Variants in ATXN10 observed in about 807,000 individuals in gnomAD.
ATXN10 encodes the protein ataxin 10, also known as ataxin-10.
A neutral mutation model predicts 52.9 loss-of-function variants in ATXN10; 28 were observed. The ratio of observed to expected loss-of-function variants is 0.53; its 90% CI spans 0.39 to 0.73. ATXN10 has a LOEUF of 0.73. Ranked by LOEUF, ATXN10 falls within the 30% of genes least tolerant of loss-of-function variation. ATXN10 has a pLI of 0.00. For missense variants in ATXN10, 565 were observed against 577.0 expected, an observed-to-expected ratio of 0.98 and a Z score of 0.21; for synonymous variants, 226 against 221.5, an observed-to-expected ratio of 1.02 and a Z score of -0.18.
rs1212473158 is a variant in ATXN10, at chr22:45,843,771, C to G, written c.*100C>G. On this transcript the variant is annotated 3_prime_UTR_variant, in exon 12 of 12. Transcript: ENST00000252934. This position sits in a 1 kb window ranked among gnomAD's most constrained non-coding sequence, Gnocchi z 4.5. ...GCAAGTGTTTGAAGATTTATAAGTA[C>G]AAATTTGGGAACATACAAATCTTTT... is the stretch of plus-strand genomic sequence containing the variant. The G allele has an allele frequency of 8.3e-7, 1 of 1,204,652 alleles. No individual in the cohort carries two copies. The highest frequency in any genetic ancestry group is 1.2e-6 in the Non-Finnish European group (1 of 825,794). 74.6% of individuals were successfully genotyped at this position (1,204,652 alleles called of 1,614,324 possible). A position where few individuals can be genotyped will look rare whatever the true frequency, so the allele number is the denominator to read the frequency against.
At chr22:45,773,876 A>G (rs1926861901) in intron 9 of ATXN10, among the ~76,000 whole-genome samples, 1 of 152,226 alleles carries the variant, frequency 6.6e-6, no homozygotes, top group Admixed American at 6.5e-5. Context: ...TAAAAGACTC[A>G]ACCATTGGAA....
rs1222806211 is a variant in ATXN10 at position 45,840,674 on chromosome 22, C to T, written c.1238-2317C>T. Among the ~76,000 whole-genome samples, 3 of 152,162 alleles carry T rather than the reference C, an allele frequency of 2.0e-5. No individual in the cohort carries two copies. The highest frequency in any genetic ancestry group is 2.9e-5 in the Non-Finnish European group (2 of 68,022). On this transcript the variant is annotated intron_variant, in intron 10 of 11. Transcript: ENST00000252934. This position sits in a 1 kb window ranked among gnomAD's most constrained non-coding sequence, Gnocchi z 5.8. The stretch of plus-strand genomic sequence containing the variant: ...GTCCCTTTCCTCCAGAGACATCCTG[C>T]GTTTGCTGCTGGCAGTGACGGTGCT...
At chr22:45,778,208 T>C (rs1023007337) in intron 9 of ATXN10, among the ~76,000 whole-genome samples, 1 of 152,246 alleles carries the variant, frequency 6.6e-6, no homozygotes, top group African/African-American at 2.4e-5. Flanking sequence ...CTGTATGACA[T>C]TGATCATGTT....
At position 45,843,900 on chromosome 22, in the gene ATXN10, A is replaced by G. The variant is rs530448235; in HGVS notation, c.*229A>G. ...GTGTGGTTTGCCTTTGTCCCCCTGG[A>G]TAGAACGTGCATTTAAAGAATATAT... On this transcript the variant is annotated 3_prime_UTR_variant, in exon 12 of 12. Transcript: ENST00000252934. This position sits in a 1 kb window ranked among gnomAD's most constrained non-coding sequence, Gnocchi z 4.5. The G allele has an allele frequency of 5.8e-5, 34 of 586,524 alleles. No homozygotes were observed. The highest frequency in any genetic ancestry group is 4.7e-4 in the African/African-American group (25 of 53,638). The allele number at this position is 586,524 out of a possible 1,614,324, so 36.3% of individuals were successfully genotyped here. A position where few individuals can be genotyped will look rare whatever the true frequency, so the allele number is the denominator to read the frequency against.
intron 1 of ATXN10, chr22:45,679,723 T>C: frequency 6.6e-6 from 1 of 152,236 alleles, no homozygotes; most frequent in African/African-American, 2.4e-5. Context: ...AGTTACACTA[T>C]AAAAAGCATA....
At chr22:45,691,415 G>A (rs1923370511) in intron 2 of ATXN10, among the ~76,000 whole-genome samples, 1 of 152,174 alleles carries the variant, frequency 6.6e-6, no homozygotes, top group Non-Finnish European at 1.5e-5. Context: ...TTAATTCTTA[G>A]AACAAACTCA....
At position 45,733,959 on chromosome 22, in the gene ATXN10, CTT is replaced by C. The variant is rs1280292777; in HGVS notation, c.894+4371_894+4372del. On this transcript the variant is annotated intron_variant, in intron 7 of 11. Coordinates refer to ENST00000252934, the MANE Select transcript of ATXN10 (RefSeq NM_013236.4). The surrounding 1 kb of genome is among the most constrained non-coding windows in gnomAD (Gnocchi z 4.4). ...ATGATGTAACTTGTACATCTTTGCA[CTT>C]TAGCATGTGTATATTCATTGTATGT... 6.6e-6 allele frequency among the ~76,000 whole-genome samples: 1 copy of C among 151,842 alleles called. No homozygotes were observed. The highest frequency in any genetic ancestry group is 2.4e-5 in the African/African-American group (1 of 41,324).
Position 45,711,123 on chromosome 22 carries a change from T to C in ATXN10, c.648-7290T>C, listed in dbSNP as rs533187921. 1.2e-4 allele frequency among the ~76,000 whole-genome samples: 18 copies of C among 152,290 alleles called. No individual in the cohort carries two copies. The South Asian group carries it at 3.3e-3, about 28-fold the overall frequency. Reference sequence around the variant, plus strand: ...AATGGGGACATTATAAAATGTTACATGTCTACCCAAAACCCCAGTCAGTGT... The same window carrying C: ...AATGGGGACATTATAAAATGTTACACGTCTACCCAAAACCCCAGTCAGTGT... On this transcript the variant is annotated intron_variant, in intron 5 of 11. Transcript: ENST00000252934.
chr22:45,773,926 A>G (rs1032917891), intron 9 of ATXN10, among the ~76,000 whole-genome samples: 10 of 152,240 alleles, frequency 6.6e-5, no homozygotes, highest in Non-Finnish European at 1.0e-4. Context: ...GTGTATTTCT[A>G]TGTAATGATT....
Position 45,822,521 on chromosome 22 carries a change from CAA to C in ATXN10, c.1237+15500_1237+15501del, listed in dbSNP as rs1337117091. ...TGTTGTGATTTTATTTGAATTTCTCCAATTTTTTTTTTTTTTTTTTTTTTTTT... is the reference window on the plus strand; with the variant it reads ...TGTTGTGATTTTATTTGAATTTCTCCTTTTTTTTTTTTTTTTTTTTTTTTT... On this transcript the variant is annotated intron_variant, in intron 10 of 11. Transcript: ENST00000252934. Among the ~76,000 whole-genome samples the C allele has an allele frequency of 3.4e-5, 5 of 145,942 alleles. No individual in the cohort carries two copies. In the South Asian group the frequency reaches 1.1e-3, roughly 31 times the overall value.
In ATXN10 at chr22:45,832,762, T is replaced by G. The variant is rs1929034884; in HGVS notation, c.1238-10229T>G. Among the ~76,000 whole-genome samples, 4 of 152,260 alleles carry G rather than the reference T, an allele frequency of 2.6e-5. No individual in the cohort carries two copies. In the South Asian group the frequency reaches 8.3e-4, roughly 31 times the overall value. ...ACGCCAGTCTAAATATCAAGAGGTGTGTTGTTCATAGAAAAGAGGAAAACA... is the reference window on the plus strand; with the variant it reads ...ACGCCAGTCTAAATATCAAGAGGTGGGTTGTTCATAGAAAAGAGGAAAACA... On this transcript the variant is annotated intron_variant, in intron 10 of 11. Transcript: ENST00000252934.
intron 7 of ATXN10, among the ~76,000 whole-genome samples, chr22:45,736,942 A>C (rs997992835): frequency 2.0e-5 from 3 of 152,222 alleles, no homozygotes; most frequent in Non-Finnish European, 4.4e-5. Flanking sequence ...TTTTTTAAAG[A>C]GAAACTTTCC....
intron 7 of ATXN10, 110 bp downstream of exon 7, chr22:45,729,700 TA>T: frequency 8.6e-7 from 1 of 1,165,970 alleles, no homozygotes; most frequent in Non-Finnish European, 1.2e-6. Flanking sequence ...AAATATTATG[TA>T]AGTAATGTAT....
Position 45,825,030 on chromosome 22 carries a change from A to G in ATXN10, c.1238-17961A>G, listed in dbSNP as rs912661558. On this transcript the variant is annotated intron_variant, in intron 10 of 11. Coordinates refer to ENST00000252934, the MANE Select transcript of ATXN10 (RefSeq NM_013236.4). This position sits in a 1 kb window ranked among gnomAD's most constrained non-coding sequence, Gnocchi z 4.5. ...TCAATTTCAGCTCTAGCTCAGTAGC[A>G]GCTATTCCTCCTCCATCCCCAGTCC... Among the ~76,000 whole-genome samples, 6 of 152,362 alleles carry G rather than the reference A, an allele frequency of 3.9e-5. No individual in the cohort carries two copies. Among genetic ancestry groups the G allele is most frequent in the African/African-American group, 1.2e-4 (5 of 41,586 alleles).
chr22:45,811,708 C>G, intron 10 of ATXN10: 2 of 471,008 alleles, frequency 4.2e-6, no homozygotes, highest in Non-Finnish European at 8.8e-6. Context: ...TGCCACCATC[C>G]AGTCCACACT....
chr22:45,768,254 G>A (rs776597912), intron 9 of ATXN10, among the ~76,000 whole-genome samples: 3 of 152,078 alleles, frequency 2.0e-5, no homozygotes, highest in Non-Finnish European at 4.4e-5. Flanking sequence ...GGTGGGGCAG[G>A]AAATGGGGAA....
intron 9 of ATXN10, among the ~76,000 whole-genome samples, chr22:45,756,842 T>C (rs1455275204): frequency 1.3e-5 from 2 of 152,202 alleles, no homozygotes; most frequent in Non-Finnish European, 2.9e-5. Flanking sequence ...ATTTGACATG[T>C]TTTAGTGATA....
intron 3 of ATXN10, among the ~76,000 whole-genome samples, chr22:45,695,482 T>C (rs975331265): frequency 7.0e-6 from 1 of 143,748 alleles, no homozygotes; most frequent in African/African-American, 2.5e-5. Flanking sequence ...GCATATAACA[T>C]GAGGCATATT....
At position 45,818,765 on chromosome 22, in the gene ATXN10, G is replaced by T. The variant is rs1928549531; in HGVS notation, c.1237+11743G>T. On this transcript the variant is annotated intron_variant, in intron 10 of 11. Coordinates refer to ENST00000252934, the MANE Select transcript of ATXN10 (RefSeq NM_013236.4). This position sits in a 1 kb window ranked among gnomAD's most constrained non-coding sequence, Gnocchi z 4.6. Reference sequence around the variant, plus strand: ...GTTTTCCCAAGCGTGCTTCTCAGTGGTTGCTGTTAATGTTCTAAGGGCCAC... The same window carrying T: ...GTTTTCCCAAGCGTGCTTCTCAGTGTTTGCTGTTAATGTTCTAAGGGCCAC... Among the ~76,000 whole-genome samples, 1 of 152,116 alleles carries T rather than the reference G, an allele frequency of 6.6e-6. No individual in the cohort carries two copies. Among genetic ancestry groups the T allele is most frequent in the East Asian group, 1.9e-4 (1 of 5,176 alleles).
Sources: allele counts gnomAD v4.1 joint callset (sites outside exome capture counted in the v4.1 genomes callset), GRCh38; gene constraint gnomAD v4.1.1; non-coding constraint Gnocchi (gnomAD v3.1); transcripts MANE v1.5; gene names NCBI Gene and HGNC (gene_info 2026-07-23, HGNC 2026-07-21).